Variants in SMG6 observed in about 807,000 individuals in gnomAD.
The protein encoded by SMG6 is SMG6 nonsense mediated mRNA decay factor.
In SMG6, 66 loss-of-function variants were observed where a neutral mutation model predicts 142.2. That is an observed-to-expected ratio of 0.46 (90% CI 0.38 to 0.57). The LOEUF (loss-of-function observed/expected upper bound fraction) is 0.57. Among genes scored for constraint, SMG6 ranks in the 20% least tolerant of loss-of-function variants. The pLI is 0.00. For missense variants in SMG6, 1,793 were observed against 1,832.0 expected (o/e 0.98, Z 0.39); for synonymous variants, 779 against 702.4 (o/e 1.11, Z -1.72).
At chr17:2,129,025 T>C (rs1466816123) in intron 13 of SMG6, among the ~76,000 whole-genome samples, 1 of 152,152 alleles carries the variant, frequency 6.6e-6, no homozygotes, top group African/African-American at 2.4e-5. Context: ...TGGACTATTT[T>C]AGGAAGAAAA....
intron 12 of SMG6, among the ~76,000 whole-genome samples, chr17:2,175,889 G>T (rs556536931): frequency 1.3e-5 from 2 of 152,140 alleles, no homozygotes; most frequent in African/African-American, 4.8e-5. Context: ...TGGTGTTTCA[G>T]TGGGATCACC....
intron 13 of SMG6, among the ~76,000 whole-genome samples, chr17:2,099,084 T>C (rs1412605256): frequency 3.9e-5 from 6 of 152,322 alleles, no homozygotes; most frequent in Non-Finnish European, 8.8e-5. Flanking sequence ...CTATCTGCAG[T>C]ATTTAACATG....
In SMG6 at chr17:2,299,098, C is replaced by T. The variant is rs200745638; in HGVS notation, c.1655G>A (p.Gly552Glu). ...PYYPGYPTPS[G>E]QYVCSPLPTS... ...AGGTAGAGGGCTACACACATACTGT[C>T]CTGACGGAGTCGGGTAGCCTGGGTA... The change falls in exon 2 of 19, where the codon GGA (glycine) becomes GAA (glutamate). Residue 552 changes from glycine (G) to glutamate (E), a missense_variant. By Grantham distance (98) the Gly-to-Glu change is moderately conservative. Transcript: ENST00000263073. The surrounding 1 kb of genome is among the most constrained non-coding windows in gnomAD (Gnocchi z 4.3). The T allele has an allele frequency of 2.5e-5, 40 of 1,614,020 alleles. No individual in the cohort carries two copies. Among genetic ancestry groups the T allele is most frequent in the Non-Finnish European group, 3.2e-5 (38 of 1,180,018 alleles).
rs889005274 is a variant in SMG6, at chr17:2,203,751, T to A, written c.2870-15236A>T. Among the ~76,000 whole-genome samples the A allele has an allele frequency of 2.6e-5, 4 of 152,020 alleles. No homozygotes were observed. In the East Asian group the frequency reaches 5.8e-4, roughly 22 times the overall value. ...CACTTTTAATAAAGCAAGGAGAGAT[T>A]TGGCTGCTGATTCAGACACACACCT... On this transcript the variant is annotated intron_variant, in intron 10 of 18. Transcript: ENST00000263073.
chr17:2,094,006 C>T (rs2068792729), intron 13 of SMG6, among the ~76,000 whole-genome samples: 1 of 152,186 alleles, frequency 6.6e-6, no homozygotes, highest in South Asian at 2.1e-4. Flanking sequence ...TCAGCAATCC[C>T]TCTCCCTATT....
chr17:2,082,143 C>T (rs1397689488), intron 14 of SMG6, 187 bp from the exon 15 acceptor site: 3 of 600,712 alleles, frequency 5.0e-6, no homozygotes, highest in African/African-American at 3.7e-5. Context: ...TGTCACTCTT[C>T]CCCCGGAGCT....
intron 13 of SMG6, among the ~76,000 whole-genome samples, chr17:2,115,323 A>G (rs2069473380): frequency 6.6e-6 from 1 of 152,180 alleles, no homozygotes. Context: ...TGGCCCTAGT[A>G]AGGATGAAAA....
chr17:2,113,509 G>C lies in SMG6; in HGVS notation c.3358-27608C>G, dbSNP rs144527941. Among the ~76,000 whole-genome samples the C allele has an allele frequency of 1.5e-3, 232 of 152,290 alleles. 2 individuals are homozygous for C. Among genetic ancestry groups the C allele is most frequent in the African/African-American group, 5.3e-3 (222 of 41,562 alleles). ...TCTTGAACAAAGCCGGCTTGGGAAA[G>C]GGTGCTGGCTCCACGAGAGCACACA... is the stretch of plus-strand genomic sequence containing the variant. On this transcript the variant is annotated intron_variant, in intron 13 of 18. Coordinates refer to ENST00000263073, the MANE Select transcript of SMG6 (RefSeq NM_017575.5).
intron 1 of SMG6, among the ~76,000 whole-genome samples, chr17:2,302,063 G>A (rs150522081): frequency 2.2e-4 from 33 of 150,356 alleles, no homozygotes; most frequent in African/African-American, 8.1e-4. Flanking sequence ...GATCAGCCTG[G>A]GCAACATGGC....
At chr17:2,113,227 C>T (rs1324544342) in intron 13 of SMG6, among the ~76,000 whole-genome samples, 1 of 151,972 alleles carries the variant, frequency 6.6e-6, no homozygotes, top group Admixed American at 6.6e-5. Context: ...CAGGCGTGTG[C>T]CACCATGCCT....
intron 13 of SMG6, among the ~76,000 whole-genome samples, chr17:2,102,187 C>T (rs1392959122): frequency 1.3e-5 from 2 of 152,102 alleles, no homozygotes; most frequent in Non-Finnish European, 2.9e-5. Context: ...TAGTCCTTTA[C>T]AAAATTTTAT....
chr17:2,134,078 A>G (rs1032760877), intron 13 of SMG6, among the ~76,000 whole-genome samples: 3 of 152,120 alleles, frequency 2.0e-5, no homozygotes, highest in African/African-American at 7.2e-5. Flanking sequence ...CTAATACAAA[A>G]TGATAGTTCT....
At chr17:2,241,092 G>A (rs752141591) in intron 9 of SMG6, among the ~76,000 whole-genome samples, 9 of 152,176 alleles carry the variant, frequency 5.9e-5, no homozygotes, top group Non-Finnish European at 1.0e-4. Flanking sequence ...CCCATAGAGG[G>A]AGTGTAGTGC....
chr17:2,159,187 G>A (rs976791649), intron 13 of SMG6, among the ~76,000 whole-genome samples: 6 of 152,156 alleles, frequency 3.9e-5, no homozygotes, highest in Admixed American at 6.5e-5. Context: ...TTGGGAGGCC[G>A]AGGCGGGTGG....
intron 13 of SMG6, among the ~76,000 whole-genome samples, chr17:2,170,157 A>G (rs764620227): frequency 1.1e-4 from 17 of 152,154 alleles, no homozygotes; most frequent in Non-Finnish European, 1.8e-4. Context: ...TAGGTTTGAC[A>G]TACCTATTTC....
At chr17:2,165,685 T>C (rs747340529) in intron 13 of SMG6, among the ~76,000 whole-genome samples, 8 of 152,210 alleles carry the variant, frequency 5.3e-5, no homozygotes, top group Non-Finnish European at 1.2e-4. Flanking sequence ...GAGGATCACT[T>C]GAGCTCAGGA....
chr17:2,168,513 T>A (rs545782168), intron 13 of SMG6, among the ~76,000 whole-genome samples: 1 of 151,948 alleles, frequency 6.6e-6, no homozygotes, highest in South Asian at 2.1e-4. Flanking sequence ...AGGTCAAGAG[T>A]TCCTAAAGAT....
chr17:2,227,207 G>A (rs1165920194), intron 10 of SMG6, among the ~76,000 whole-genome samples: 7 of 152,118 alleles, frequency 4.6e-5, no homozygotes, highest in South Asian at 2.1e-4. Context: ...CATATGATCC[G>A]GCAAGTCCAT....
chr17:2,214,787 G>A (rs1183824116), intron 10 of SMG6, among the ~76,000 whole-genome samples: 2 of 152,304 alleles, frequency 1.3e-5, no homozygotes, highest in African/African-American at 2.4e-5. Flanking sequence ...TACCGCTGTC[G>A]AAGTAGCTCT....
Sources: gnomAD v4.1 joint callset for allele counts (sites outside exome capture counted in the v4.1 genomes callset) on GRCh38, gnomAD v4.1.1 for gene constraint, Gnocchi (gnomAD v3.1) non-coding constraint, MANE v1.5 for transcripts, NCBI Gene and HGNC (gene_info 2026-07-23, HGNC 2026-07-21) for gene names.